The following ADCY8 variants were observed in gnomAD, a reference collection of about 807,000 sequenced individuals.
The protein encoded by ADCY8 is adenylate cyclase type 8.
In ADCY8, 51 loss-of-function variants were observed where a neutral mutation model predicts 119.7. That is an observed-to-expected ratio of 0.43 (90% CI 0.34 to 0.54). ADCY8 has a LOEUF of 0.54. Ranked by LOEUF, ADCY8 falls within the 20% of genes least tolerant of loss-of-function variation. ADCY8 has a pLI of 0.03. For missense variants in ADCY8, 1,383 were observed against 1,598.8 expected, an observed-to-expected ratio of 0.87 and a Z score of 2.30; for synonymous variants, 665 against 651.0, an observed-to-expected ratio of 1.02 and a Z score of -0.33.
chr8:131,040,783 C>T lies in ADCY8; in HGVS notation c.-450G>A, dbSNP rs112883811. ...GGCGGGTCCTGGCTGCTGCACTGGG[C>T]TTTGGACGCCCACTGCTCCGCGGCT... On this transcript the variant is annotated 5_prime_UTR_variant, in exon 1 of 18. Transcript: ENST00000286355. 3.2e-3 allele frequency: 494 copies of T among 155,032 alleles called. 1 individual carries two copies. Among genetic ancestry groups the T allele is most frequent in the African/African-American group, 0.012 (480 of 41,704 alleles). The allele number at this position is 155,032 out of a possible 1,614,324, so 9.6% of individuals were successfully genotyped here.
chr8:130,837,667 A>C (rs1817030610), intron 11 of ADCY8, among the ~76,000 whole-genome samples: 1 of 152,186 alleles, frequency 6.6e-6, no homozygotes, highest in Non-Finnish European at 1.5e-5. Flanking sequence ...AAGTATCCTA[A>C]TATATCATTC....
chr8:130,936,938 G>A, intron 5 of ADCY8, 135 bp downstream of exon 5: 1 of 1,078,546 alleles, frequency 9.3e-7, no homozygotes, highest in Non-Finnish European at 1.3e-6. Flanking sequence ...GAACTAAGGG[G>A]CACACAGTTT....
At chr8:130,867,972 G>T in intron 8 of ADCY8, 26 bp from the exon 9 acceptor site, 1 of 1,526,092 alleles carries the variant, frequency 6.6e-7, no homozygotes, top group Non-Finnish European at 9.0e-7. Context: ...GAGAGAATGA[G>T]TTACTTTGCA....
chr8:130,956,137 C>G (rs758401900), intron 2 of ADCY8, among the ~76,000 whole-genome samples: 8 of 151,950 alleles, frequency 5.3e-5, no homozygotes, highest in Admixed American at 3.3e-4. Flanking sequence ...AGAGAAAGAC[C>G]CTGCCTCAAA....
chr8:130,865,072 C>T lies in ADCY8; in HGVS notation c.2210+2774G>A, dbSNP rs1283937599. Among the ~76,000 whole-genome samples, 4 of 152,082 alleles carry T rather than the reference C, an allele frequency of 2.6e-5. No homozygotes were observed. The East Asian group carries it at 5.8e-4, about 22-fold the overall frequency. ...AATTCCTCTAGTGTATTAGTTTCCC[C>T]TCTTGATATGGGCTTCCCTAAGTAC... On this transcript the variant is annotated intron_variant, in intron 9 of 17. Coordinates refer to ENST00000286355, the MANE Select transcript of ADCY8 (RefSeq NM_001115.3).
chr8:130,850,516 A>G (rs890845720), intron 9 of ADCY8, among the ~76,000 whole-genome samples: 5 of 151,908 alleles, frequency 3.3e-5, no homozygotes, highest in African/African-American at 9.7e-5. Context: ...TCACCATGCA[A>G]TCTGCTTCTC....
intron 2 of ADCY8, among the ~76,000 whole-genome samples, chr8:130,968,787 A>G (rs916604721): frequency 6.6e-6 from 1 of 152,202 alleles, no homozygotes; most frequent in Non-Finnish European, 1.5e-5. Flanking sequence ...ACACTTGGGG[A>G]AAATGCTGAG....
intron 1 of ADCY8, among the ~76,000 whole-genome samples, chr8:131,021,528 C>T (rs1379771948): frequency 1.3e-5 from 2 of 152,170 alleles, no homozygotes; most frequent in African/African-American, 2.4e-5. Context: ...TATGGTTTGG[C>T]TGTGTACCCA....
At position 131,040,047 on chromosome 8, in the gene ADCY8, G is replaced by C. The variant is rs541460563; in HGVS notation, c.287C>G (p.Pro96Arg). ...DSALPLYSLG[P>R]GERAHSTCGT... ...GCAGGTGCTGTGCGCTCGCTCTCCC[G>C]GGCCCAGCGAGTAGAGGGGCAGCGC... Residue 96 changes from proline to arginine, a missense_variant, in exon 1 of 18, where the codon CCG becomes CGG. By Grantham distance (103) the Pro-to-Arg change is moderately radical (BLOSUM62 -2). Around this residue, in one of 2 missense-constraint regions of ADCY8, gnomAD observed 455 missense variants for 435.3 expected, o/e 1.05. Coordinates refer to ENST00000286355, the MANE Select transcript of ADCY8 (RefSeq NM_001115.3). 4 of 1,547,372 alleles carry C rather than the reference G, an allele frequency of 2.6e-6. No individual in the cohort carries two copies. The highest frequency in any genetic ancestry group is 2.4e-5 in the East Asian group (1 of 41,500).
chr8:130,852,274 C>G (rs1817556412), intron 9 of ADCY8, among the ~76,000 whole-genome samples: 1 of 152,074 alleles, frequency 6.6e-6, no homozygotes. Context: ...TTGTTTTTGA[C>G]TAGCAAAGTT....
At chr8:130,892,002 T>A (rs915797520) in intron 7 of ADCY8, 2 of 152,184 alleles carry the variant, frequency 1.3e-5, no homozygotes, top group African/African-American at 4.8e-5. Flanking sequence ...TTTATGTCAC[T>A]GTAATCTGTT....
intron 8 of ADCY8, among the ~76,000 whole-genome samples, chr8:130,870,444 A>C (rs1034414962): frequency 6.6e-6 from 1 of 152,118 alleles, no homozygotes; most frequent in African/African-American, 2.4e-5. Context: ...TTTTCATAAC[A>C]TTCTTGATGT....
chr8:130,783,137 TATTATTG>T (rs1195156243), intron 17 of ADCY8, among the ~76,000 whole-genome samples: 1 of 152,168 alleles, frequency 6.6e-6, no homozygotes, highest in African/African-American at 2.4e-5. Context: ...TATAAAGGAT[TATTATTG>T]ATTGCAGTGA....
chr8:130,910,127 G>A (rs963786530), intron 5 of ADCY8, among the ~76,000 whole-genome samples: 2 of 151,934 alleles, frequency 1.3e-5, no homozygotes, highest in Non-Finnish European at 2.9e-5. Flanking sequence ...GAGCCACCAC[G>A]CCCGTCCACC....
rs561838550 is a variant in ADCY8, at chr8:130,870,615, C to T, written c.2110-2669G>A. Among the ~76,000 whole-genome samples, 157 of 152,274 alleles carry T rather than the reference C, an allele frequency of 1.0e-3. 1 individual carries two copies. The highest frequency in any genetic ancestry group is 2.0e-3 in the Non-Finnish European group (133 of 68,016). On this transcript the variant is annotated intron_variant, in intron 8 of 17. Coordinates refer to ENST00000286355, the MANE Select transcript of ADCY8 (RefSeq NM_001115.3). ...CTGAGAGCTCATTGCTTTGCAAAGG[C>T]TTCCTTTCCATTATTGGCCCATGAT... is the stretch of plus-strand genomic sequence containing the variant.
At chr8:130,822,770 C>T (rs536040837) in intron 12 of ADCY8, among the ~76,000 whole-genome samples, 1 of 152,198 alleles carries the variant, frequency 6.6e-6, no homozygotes, top group Non-Finnish European at 1.5e-5. Context: ...CCAATGTCAG[C>T]TTTTCTACTG....
chr8:130,794,804 T>C (rs1815528907), intron 15 of ADCY8, among the ~76,000 whole-genome samples: 1 of 152,226 alleles, frequency 6.6e-6, no homozygotes, highest in Non-Finnish European at 1.5e-5. Flanking sequence ...ACAATGACCC[T>C]ACTGTATCTC....
intron 5 of ADCY8, among the ~76,000 whole-genome samples, chr8:130,936,529 T>C (rs1406904794): frequency 6.6e-6 from 1 of 152,202 alleles, no homozygotes; most frequent in African/African-American, 2.4e-5. Context: ...TCCTGGTTTC[T>C]GTACATGTCC....
At chr8:130,948,794 G>A (rs910496947) in intron 3 of ADCY8, among the ~76,000 whole-genome samples, 1 of 152,138 alleles carries the variant, frequency 6.6e-6, no homozygotes, top group Non-Finnish European at 1.5e-5. Flanking sequence ...GGGTGGAGCA[G>A]CCAGTTGGCT....
Sources: allele counts gnomAD v4.1 joint callset (sites outside exome capture counted in the v4.1 genomes callset), GRCh38; gene constraint gnomAD v4.1.1; regional missense constraint gnomAD v4.1.1; transcripts MANE v1.5; gene names NCBI Gene and HGNC (gene_info 2026-07-23, HGNC 2026-07-21).